The following RHPN2 variants were observed in gnomAD, a reference collection of about 807,000 sequenced individuals.
The protein encoded by RHPN2 is rhophilin-2.
Under a neutral mutation model 79.0 loss-of-function variants are expected in RHPN2, and 40 were observed. That is an observed-to-expected ratio of 0.51 (90% CI 0.39 to 0.66). The LOEUF is 0.66. RHPN2 is among the 30% of genes least tolerant of loss of function. RHPN2 has a pLI of 0.00. For missense variants in RHPN2, 686 were observed against 883.5 expected (o/e 0.78, Z 2.83); for synonymous variants, 285 against 363.5 (o/e 0.78, Z 2.46).
intron 6 of RHPN2, among the ~76,000 whole-genome samples, chr19:33,009,707 G>A (rs1971821432): frequency 6.6e-6 from 1 of 152,058 alleles, no homozygotes; most frequent in Admixed American, 6.6e-5. Flanking sequence ...CACCCACCTT[G>A]GCCTCCCAAC....
At position 32,980,078 on chromosome 19, in the gene RHPN2, G is replaced by A. The variant is rs780852824; in HGVS notation, c.1979C>T (p.Ser660Leu). The A allele has an allele frequency of 2.5e-5, 41 of 1,613,708 alleles. No individual in the cohort carries two copies. Among genetic ancestry groups the A allele is most frequent in the South Asian group, 6.6e-5 (6 of 91,074 alleles). Residue 660 changes from serine to leucine, a missense_variant, in exon 15 of 15, where the codon TCG (serine) becomes TTG (leucine). Ser to Leu is a moderately radical substitution (Grantham distance 145, BLOSUM62 -2). Transcript: ENST00000254260. ...QKSASTLCLP[S>L]VGAARPQVKK... is the part of the protein sequence containing the mutation. ...GACCTGAGGCCGTGCAGCCCCGACC[G>A]ATGGGAGGCACAAGGTGCTGGCTGA...
At chr19:33,013,168 G>C (rs1333593720) in intron 4 of RHPN2, among the ~76,000 whole-genome samples, 1 of 143,784 alleles carries the variant, frequency 7.0e-6, no homozygotes, top group Non-Finnish European at 1.5e-5. Flanking sequence ...CAGCCACCGT[G>C]CCCGGCCATA....
chr19:33,007,942 T>C, intron 7 of RHPN2, 72 bp downstream of exon 7: 1 of 1,546,408 alleles, frequency 6.5e-7, no homozygotes, highest in East Asian at 2.2e-5. Context: ...GTAGATTCTC[T>C]TCAGTGGGGG....
intron 7 of RHPN2, among the ~76,000 whole-genome samples, chr19:33,003,998 G>C (rs1021098113): frequency 6.6e-6 from 1 of 152,096 alleles, no homozygotes; most frequent in Non-Finnish European, 1.5e-5. Flanking sequence ...AACGTACTGA[G>C]ACCCCTGTCT....
At chr19:32,992,634 A>G (rs1470720628) in intron 12 of RHPN2, among the ~76,000 whole-genome samples, 1 of 151,588 alleles carries the variant, frequency 6.6e-6, no homozygotes, top group Non-Finnish European at 1.5e-5. Flanking sequence ...TATAGTGGGA[A>G]CCATTCTCTA....
intron 3 of RHPN2, among the ~76,000 whole-genome samples, chr19:33,023,728 T>A (rs1407598824): frequency 6.9e-6 from 1 of 144,718 alleles, no homozygotes; most frequent in Non-Finnish European, 1.5e-5. Flanking sequence ...GAGCTTGCAG[T>A]GAGCCGAGAT....
Position 32,978,769 on chromosome 19 carries a change from T to G in RHPN2, c.*1227A>C, listed in dbSNP as rs138580429. On this transcript the variant is annotated 3_prime_UTR_variant, in exon 15 of 15. Coordinates refer to ENST00000254260, the MANE Select transcript of RHPN2 (RefSeq NM_033103.5). ...TATTTTAGCTATGTAACTTGTACTG[T>G]GTCAACAGTGAACCTTATTAGATTC... 164 of 152,770 alleles carry G rather than the reference T, an allele frequency of 1.1e-3. 1 individual carries two copies. Among genetic ancestry groups the G allele is most frequent in the African/African-American group, 3.8e-3 (157 of 41,572 alleles). The allele number at this position is 152,770 out of a possible 1,614,324, so 9.5% of individuals were successfully genotyped here.
chr19:32,985,708 T>G (rs1009213955), intron 14 of RHPN2, among the ~76,000 whole-genome samples: 1 of 152,198 alleles, frequency 6.6e-6, no homozygotes, highest in Non-Finnish European at 1.5e-5. Context: ...CTCGGCTCAC[T>G]GCAACCTCTG....
chr19:33,028,559 G>C (rs1971985433), intron 2 of RHPN2, among the ~76,000 whole-genome samples: 2 of 152,068 alleles, frequency 1.3e-5, no homozygotes, highest in Non-Finnish European at 2.9e-5. Flanking sequence ...ATAAACAAAA[G>C]AATCACAAGA....
Position 32,980,086 on chromosome 19 carries a change from G to A in RHPN2, c.1971C>T (p.Cys657=). ...GCCGTGCAGCCCCGACCGATGGGAGGCACAAGGTGCTGGCTGACTTCTGTC... is the reference window on the plus strand; with the variant it reads ...GCCGTGCAGCCCCGACCGATGGGAGACACAAGGTGCTGGCTGACTTCTGTC... ...KNRQKSASTL[C]LPSVGAARPQ... Residue 657 remains cysteine, a synonymous_variant, in exon 15 of 15, where the codon TGC becomes TGT. Transcript: ENST00000254260. 6.2e-7 allele frequency: 1 copy of A among 1,613,846 alleles called. No individual in the cohort carries two copies. Among genetic ancestry groups the A allele is most frequent in the Non-Finnish European group, 8.5e-7 (1 of 1,179,786 alleles).
chr19:33,049,688 C>A (rs955095226), intron 1 of RHPN2, among the ~76,000 whole-genome samples: 4 of 152,162 alleles, frequency 2.6e-5, no homozygotes, highest in Non-Finnish European at 4.4e-5. Context: ...ACTGAGTGAA[C>A]CCCCGTGTCA....
intron 2 of RHPN2, among the ~76,000 whole-genome samples, chr19:33,029,779 A>C (rs1971996664): frequency 6.6e-6 from 1 of 152,182 alleles, no homozygotes; most frequent in Non-Finnish European, 1.5e-5. Context: ...CAAAAGACAC[A>C]AAGCATAATG....
At position 32,991,927 on chromosome 19, in the gene RHPN2, G is replaced by A. The variant is rs774078225; in HGVS notation, c.1540C>T (p.Pro514Ser). ...VFSANKRWTP[P>S]RSIRFTAEEG... is the part of the protein sequence containing the mutation. ...TCTGCAGTGAAGCGGATGCTTCGAG[G>A]AGGCGTCCACCGCTTGTTAGCCGAA... The change falls in exon 13 of 15, where the codon CCT becomes TCT. Residue 514 changes from proline to serine, a missense_variant. By Grantham distance (74) the Pro-to-Ser change is moderately conservative. Transcript: ENST00000254260. 12 of 1,613,914 alleles carry A rather than the reference G, an allele frequency of 7.4e-6. No individual in the cohort carries two copies. The highest frequency in any genetic ancestry group is 1.0e-5 in the Non-Finnish European group (12 of 1,179,842).
rs1434649505 is a variant in RHPN2 at position 33,018,344 on chromosome 19, A to G, written c.390+3227T>C. ...ACTGTGTCTCAAAAAAAAAAGAGAGAGAGAGAGAGAGACAAGGTCTCATTC... is the reference window on the plus strand; with the variant it reads ...ACTGTGTCTCAAAAAAAAAAGAGAGGGAGAGAGAGAGACAAGGTCTCATTC... On this transcript the variant is annotated intron_variant, in intron 4 of 14. Transcript: ENST00000254260. 2.0e-5 allele frequency among the ~76,000 whole-genome samples: 3 copies of G among 151,612 alleles called. No homozygotes were observed. In the East Asian group the frequency reaches 5.8e-4, roughly 29 times the overall value.
intron 6 of RHPN2, among the ~76,000 whole-genome samples, chr19:33,008,866 A>C (rs1315910038): frequency 1.3e-5 from 2 of 152,180 alleles, no homozygotes; most frequent in Non-Finnish European, 2.9e-5. Flanking sequence ...AGCCACACAC[A>C]AAAATATCTG....
intron 11 of RHPN2, among the ~76,000 whole-genome samples, chr19:32,995,426 G>T (rs1971692961): frequency 6.6e-6 from 1 of 152,016 alleles, no homozygotes; most frequent in Non-Finnish European, 1.5e-5. Flanking sequence ...AGGAGGTTTG[G>T]CAAATCATGA....
rs1555712399 is a variant in RHPN2, at chr19:33,019,044, A to AAAAG, written c.390+2523_390+2526dup. Among the ~76,000 whole-genome samples, 170 of 140,092 alleles carry AAAAG rather than the reference A, an allele frequency of 1.2e-3. 1 individual carries two copies. Among genetic ancestry groups the AAAAG allele is most frequent in the South Asian group, 2.3e-3 (10 of 4,324 alleles). 91.9% of individuals were successfully genotyped at this position (140,092 alleles called of 152,430 possible). On this transcript the variant is annotated intron_variant, in intron 4 of 14. Coordinates refer to ENST00000254260, the MANE Select transcript of RHPN2 (RefSeq NM_033103.5). ...GAAACTCCAGCTCAAAAAAAAAAAA[A>AAAAG]AAAGAAAGAAAGAAAGAAAAAAATA...
chr19:32,979,772 C>G lies in RHPN2; in HGVS notation c.*224G>C, dbSNP rs541375164. The stretch of plus-strand genomic sequence containing the variant: ...TTACAATACTTTATATAATAAATAA[C>G]TTACAGCAGTATAGTAACACACCTC... On this transcript the variant is annotated 3_prime_UTR_variant, in exon 15 of 15. Coordinates refer to ENST00000254260, the MANE Select transcript of RHPN2 (RefSeq NM_033103.5). 1.6e-5 allele frequency: 9 copies of G among 564,392 alleles called. No individual in the cohort carries two copies. The East Asian group carries it at 1.8e-4, about 11-fold the overall frequency. 35.0% of individuals were successfully genotyped at this position (564,392 alleles called of 1,614,324 possible).
intron 1 of RHPN2, among the ~76,000 whole-genome samples, chr19:33,064,320 C>T (rs1341272722): frequency 1.6e-5 from 2 of 127,116 alleles, no homozygotes; most frequent in African/African-American, 4.1e-5. Context: ...GGCGACAGAG[C>T]GCCTAAAATA....
Sources: allele counts gnomAD v4.1 joint callset (sites outside exome capture counted in the v4.1 genomes callset), GRCh38; gene constraint gnomAD v4.1.1; transcripts MANE v1.5; gene names NCBI Gene and HGNC (gene_info 2026-07-23, HGNC 2026-07-21).